The following SCNN1B variants were observed in gnomAD, a reference collection of about 807,000 sequenced individuals.
SCNN1B encodes sodium channel epithelial 1 subunit beta.
A neutral mutation model predicts 65.3 loss-of-function variants in SCNN1B; 46 were observed. The ratio of observed to expected loss-of-function variants is 0.70; its 90% CI spans 0.56 to 0.90. The LOEUF is 0.90. Ranked by LOEUF, SCNN1B falls within the 40% of genes least tolerant of loss-of-function variation. The pLI, the probability that SCNN1B is intolerant of heterozygous loss-of-function variation, is 0.00. For missense variants in SCNN1B, 751 were observed against 830.5 expected (o/e 0.90, Z 1.18); for synonymous variants, 349 against 330.6 (o/e 1.06, Z -0.60).
rs748642280 is a variant in SCNN1B, at chr16:23,353,004, A to G, written c.515A>G (p.Asn172Ser). 1.2e-6 allele frequency: 2 copies of G among 1,614,132 alleles called. No individual in the cohort carries two copies. Among genetic ancestry groups the G allele is most frequent in the Admixed American group, 1.7e-5 (1 of 60,022 alleles). ...MVLDLFGDNH[N>S]GLTSSSASEK... is the part of the protein sequence containing the mutation. ...CTTGATCTCTTTGGAGACAACCACA[A>G]TGGCTTAACAAGCAGCTCAGCATCA... Residue 172 changes from asparagine to serine, a missense_variant, in exon 3 of 13, where the codon AAT becomes AGT. Transcript: ENST00000343070.
chr16:23,313,861 T>C (rs557302261), intron 1 of SCNN1B, among the ~76,000 whole-genome samples: 23 of 152,316 alleles, frequency 1.5e-4, no homozygotes, highest in African/African-American at 5.5e-4. Context: ...CTGCCCACCT[T>C]GGCCTCCCAA....
intron 1 of SCNN1B, among the ~76,000 whole-genome samples, chr16:23,326,170 A>AT (rs1223975476): frequency 3.3e-5 from 5 of 151,160 alleles, no homozygotes; most frequent in African/African-American, 7.3e-5. Flanking sequence ...CTAACAATAG[A>AT]TTTTTTCATA....
At chr16:23,358,989 G>C (rs567666314) in intron 4 of SCNN1B, among the ~76,000 whole-genome samples, 1 of 152,208 alleles carries the variant, frequency 6.6e-6, no homozygotes, top group Non-Finnish European at 1.5e-5. Flanking sequence ...GGCCTTTCTC[G>C]TCCCTGTAGG....
At chr16:23,339,190 A>T (rs1466479045) in intron 1 of SCNN1B, among the ~76,000 whole-genome samples, 1 of 152,072 alleles carries the variant, frequency 6.6e-6, no homozygotes, top group East Asian at 1.9e-4. Flanking sequence ...TCCATGTTTT[A>T]TGTATCAATA....
At chr16:23,310,017 A>G (rs72774349) in intron 1 of SCNN1B, among the ~76,000 whole-genome samples, 6,460 of 152,200 alleles carry the variant, frequency 0.042, 214 homozygotes, top group South Asian at 0.11. Context: ...GGGGACAGTC[A>G]TATCCTGCAG....
At chr16:23,343,578 AAAGAG>A (rs1962107696) in intron 1 of SCNN1B, among the ~76,000 whole-genome samples, 1 of 134,788 alleles carries the variant, frequency 7.4e-6, no homozygotes, top group African/African-American at 2.8e-5. Context: ...AAAGAAAGAA[AAAGAG>A]AAAGAAAGAA....
At chr16:23,364,720 G>T (rs114561701) in intron 4 of SCNN1B, among the ~76,000 whole-genome samples, 1,660 of 152,290 alleles carry the variant, frequency 0.011, 34 homozygotes, top group African/African-American at 0.037. Flanking sequence ...GCCTGGCGTG[G>T]TGGCTCACAC....
chr16:23,356,205 G>C lies in SCNN1B; in HGVS notation c.776+716G>C, dbSNP rs999698528. Among the ~76,000 whole-genome samples the C allele has an allele frequency of 7.2e-5, 11 of 152,322 alleles. 1 individual carries two copies. Among genetic ancestry groups the C allele is most frequent in the Middle Eastern group, 6.8e-3 (2 of 294 alleles). On this transcript the variant is annotated intron_variant, in intron 4 of 12. Coordinates refer to ENST00000343070, the MANE Select transcript of SCNN1B (RefSeq NM_000336.3). ...GGTGGGTGCACCAGCCCGATGAGGG[G>C]ATCAGGGTGGGCACCCAGGCATCTG...
chr16:23,316,683 CCAT>C lies in SCNN1B; in HGVS notation c.-9+14255_-9+14257del, dbSNP rs762263466. 2.0e-3 allele frequency among the ~76,000 whole-genome samples: 307 copies of C among 149,818 alleles called. 3 individuals are homozygous for C. Among genetic ancestry groups the C allele is most frequent in the Admixed American group, 2.8e-3 (42 of 15,044 alleles). On this transcript the variant is annotated intron_variant, in intron 1 of 12. Transcript: ENST00000343070. Reference sequence around the variant, plus strand: ...ACCATCCTCACCATCATCACCATCACCATCATCATCAACACCATCACCATCACC... The same window carrying C: ...ACCATCCTCACCATCATCACCATCACCATCATCAACACCATCACCATCACC...
chr16:23,340,211 A>C (rs956535378), intron 1 of SCNN1B, among the ~76,000 whole-genome samples: 2 of 152,218 alleles, frequency 1.3e-5, no homozygotes, highest in African/African-American at 4.8e-5. Flanking sequence ...TTTGTCAGAC[A>C]TATGTATTCC....
In SCNN1B at chr16:23,343,471, AAAGAAAGGAAGG is replaced by A. The variant is rs1469260945; in HGVS notation, c.-8-5117_-8-5106del. On this transcript the variant is annotated intron_variant, in intron 1 of 12. Transcript: ENST00000343070. Reference sequence around the variant, plus strand: ...TTGCCAAAAATAAAAAAAGGAAAAGAAAGAAAGGAAGGAAGGAAGGAAGGAAGGAAGGAAGGA... The same window carrying A: ...TTGCCAAAAATAAAAAAAGGAAAAGAAAGGAAGGAAGGAAGGAAGGAAGGA... Among the ~76,000 whole-genome samples the A allele has an allele frequency of 1.9e-3, 217 of 117,236 alleles. 10 individuals carry two copies. Among genetic ancestry groups the A allele is most frequent in the African/African-American group, 9.6e-3 (196 of 20,384 alleles). 76.9% of individuals were successfully genotyped at this position (117,236 alleles called of 152,430 possible).
chr16:23,294,659 G>T (rs1472410772), intron 2 of SCNN1B, among the ~76,000 whole-genome samples: 1 of 151,858 alleles, frequency 6.6e-6, no homozygotes, highest in Non-Finnish European at 1.5e-5. Context: ...CCTCCTTTAG[G>T]TCCTTGTTCA....
rs200146402 is a variant in SCNN1B at position 23,371,662 on chromosome 16, T to C, written c.1045-114T>C. On this transcript the variant is annotated intron_variant, in intron 6 of 12. Coordinates refer to ENST00000343070, the MANE Select transcript of SCNN1B (RefSeq NM_000336.3). ...CTGGCGCCCCCTCTGGCGCCCCCCC[T>C]GGCACCTGCAGGGGTCCACAGCCCT... The C allele has an allele frequency of 1.1e-3, 660 of 618,436 alleles. 3 individuals carry two copies. The East Asian group carries it at 0.019, about 18-fold the overall frequency. 38.3% of individuals were successfully genotyped at this position (618,436 alleles called of 1,614,324 possible). A position where few individuals can be genotyped will look rare whatever the true frequency, so the allele number is the denominator to read the frequency against.
chr16:23,377,743 T>A (rs943732998), intron 10 of SCNN1B, among the ~76,000 whole-genome samples: 3 of 129,732 alleles, frequency 2.3e-5, no homozygotes, highest in Non-Finnish European at 4.9e-5. Context: ...CCCACTTCTG[T>A]TTCCTTCTTT....
rs779609699 is a variant in SCNN1B at position 23,377,403 on chromosome 16, C to T, written c.1404+17C>T. The T allele has an allele frequency of 1.2e-6, 2 of 1,613,698 alleles. No homozygotes were observed. The highest frequency in any genetic ancestry group is 3.3e-5 in the Admixed American group (2 of 60,026). ...GCCTCCGAGGTGAGACAGTTGGGGG[C>T]CAAGCTCCTGGCTCCCACCTTTGGC... is the stretch of plus-strand genomic sequence containing the variant. On this transcript the variant is annotated intron_variant, in intron 10 of 12. Coordinates refer to ENST00000343070, the MANE Select transcript of SCNN1B (RefSeq NM_000336.3).
intron 4 of SCNN1B, among the ~76,000 whole-genome samples, chr16:23,361,523 C>T (rs1962553249): frequency 6.6e-6 from 1 of 152,192 alleles, no homozygotes; most frequent in South Asian, 2.1e-4. Flanking sequence ...GTCTCATCTC[C>T]TCCATTTATT....
chr16:23,331,833 C>T (rs1014017003), intron 1 of SCNN1B, among the ~76,000 whole-genome samples: 2 of 152,042 alleles, frequency 1.3e-5, no homozygotes, highest in Non-Finnish European at 2.9e-5. Context: ...ACAGGGGCCT[C>T]TTTGTAGGAT....
chr16:23,348,514 G>C lies in SCNN1B; in HGVS notation c.-8-78G>C. The C allele has an allele frequency of 2.8e-6, 4 of 1,448,590 alleles. No individual in the cohort carries two copies. The highest frequency in any genetic ancestry group is 3.8e-6 in the Non-Finnish European group (4 of 1,045,114). The allele number at this position is 1,448,590 out of a possible 1,614,324, so 89.7% of individuals were successfully genotyped here. ...AAGAACGGGGACGTACCGCCGCCCA[G>C]TTCCTGGACGTGACTGGGACATCCT... On this transcript the variant is annotated intron_variant, in intron 1 of 12. Coordinates refer to ENST00000343070, the MANE Select transcript of SCNN1B (RefSeq NM_000336.3). The surrounding 1 kb of genome is among the most constrained non-coding windows in gnomAD (Gnocchi z 4.5).
chr16:23,359,252 C>T (rs997939133), intron 4 of SCNN1B: 1 of 152,114 alleles, frequency 6.6e-6, no homozygotes, highest in Non-Finnish European at 1.5e-5. Context: ...TGTAACCTGC[C>T]CAGAGAGGTT....
Sources: allele counts gnomAD v4.1 joint callset (sites outside exome capture counted in the v4.1 genomes callset), GRCh38; gene constraint gnomAD v4.1.1; non-coding constraint Gnocchi (gnomAD v3.1); transcripts MANE v1.5; gene names NCBI Gene and HGNC (gene_info 2026-07-23, HGNC 2026-07-21).